ARHGAP42: variants seen among roughly 807,000 people sequenced by gnomAD.
ARHGAP42 encodes the protein rho GTPase-activating protein 42.
Under a neutral mutation model 125.0 loss-of-function variants are expected in ARHGAP42, and 63 were observed. The observed-to-expected ratio is 0.50, with a 90% confidence interval of 0.41 to 0.62. The LOEUF (loss-of-function observed/expected upper bound fraction) is 0.62. Ranked by LOEUF, ARHGAP42 falls within the 20% of genes least tolerant of loss-of-function variation. The pLI is 0.00. For synonymous variants in ARHGAP42, 339 were observed against 351.0 expected (o/e 0.97, Z 0.38); for missense variants, 766 against 1,024.2 (o/e 0.75, Z 3.44).
intron 1 of ARHGAP42, among the ~76,000 whole-genome samples, chr11:100,739,601 A>G (rs191856324): frequency 8.4e-4 from 128 of 152,332 alleles, no homozygotes; most frequent in Non-Finnish European, 5.9e-5. Context: ...GAGTTTTTAA[A>G]GAAAGAATTT....
intron 1 of ARHGAP42, among the ~76,000 whole-genome samples, chr11:100,694,789 G>A (rs1861246313): frequency 2.0e-5 from 3 of 152,228 alleles, no homozygotes; most frequent in Admixed American, 1.3e-4. Flanking sequence ...AGCACTTTGG[G>A]AGGCTGAGGT....
intron 3 of ARHGAP42, among the ~76,000 whole-genome samples, chr11:100,832,158 G>C (rs1191613674): frequency 6.6e-6 from 1 of 152,234 alleles, no homozygotes; most frequent in Non-Finnish European, 1.5e-5. Context: ...TGGCATCCCA[G>C]TTAGGCACAT....
intron 1 of ARHGAP42, among the ~76,000 whole-genome samples, chr11:100,762,990 T>C (rs1862743563): frequency 8.6e-6 from 1 of 116,314 alleles, no homozygotes. Flanking sequence ...TTTTTTTTTT[T>C]TTTTTTGAGA....
intron 3 of ARHGAP42, among the ~76,000 whole-genome samples, chr11:100,830,394 A>G (rs1221602307): frequency 6.6e-6 from 1 of 152,180 alleles, no homozygotes; most frequent in African/African-American, 2.4e-5. Flanking sequence ...CTGCTGTAAT[A>G]TGGAGAGCAC....
At chr11:100,728,082 T>G (rs1861891831) in intron 1 of ARHGAP42, among the ~76,000 whole-genome samples, 1 of 152,226 alleles carries the variant, frequency 6.6e-6, no homozygotes, top group African/African-American at 2.4e-5. Flanking sequence ...CTCTGCTCAC[T>G]GAAGTGCTGA....
intron 12 of ARHGAP42, among the ~76,000 whole-genome samples, chr11:100,950,461 A>C (rs1857618897): frequency 6.6e-6 from 1 of 151,576 alleles, no homozygotes; most frequent in Non-Finnish European, 1.5e-5. Context: ...GCAGACATAA[A>C]CACTTCTTGC....
intron 4 of ARHGAP42, among the ~76,000 whole-genome samples, chr11:100,860,152 A>G (rs1232878750): frequency 6.6e-6 from 1 of 152,076 alleles, no homozygotes. Context: ...CCATATTTTA[A>G]CCACTTGTGC....
intron 16 of ARHGAP42, among the ~76,000 whole-genome samples, chr11:100,963,858 C>G (rs763038813): frequency 6.6e-6 from 1 of 152,152 alleles, no homozygotes; most frequent in Non-Finnish European, 1.5e-5. Context: ...ACCCAGAACC[C>G]TTTCTTACAG....
intron 1 of ARHGAP42, among the ~76,000 whole-genome samples, chr11:100,715,290 T>C (rs1418873538): frequency 6.6e-6 from 1 of 152,086 alleles, no homozygotes. Flanking sequence ...TTAGGAACTA[T>C]CCAGAACAGC....
rs754628424 is a variant in ARHGAP42 at position 100,974,563 on chromosome 11, G to T, written c.1815G>T (p.Lys605Asn). 7 of 1,551,098 alleles carry T rather than the reference G, an allele frequency of 4.5e-6. No individual in the cohort carries two copies. The highest frequency in any genetic ancestry group is 6.1e-6 in the Non-Finnish European group (7 of 1,146,614). ...RAICLSTGSRKPRGRYTPCLA... is the reference protein window; with the variant it reads ...RAICLSTGSRNPRGRYTPCLA... ...TCTGCCTCTCTACAGGGTCTAGGAA[G>T]CCCAGAGGGAGGTATACTCCATGCC... is the stretch of plus-strand genomic sequence containing the variant. Residue 605 changes from lysine to asparagine, a missense_variant, in exon 19 of 24, where the codon AAG becomes AAT. Coordinates refer to ENST00000298815, the MANE Select transcript of ARHGAP42 (RefSeq NM_152432.4).
At chr11:100,772,159 C>A (rs184444536) in intron 2 of ARHGAP42, among the ~76,000 whole-genome samples, 31 of 152,246 alleles carry the variant, frequency 2.0e-4, no homozygotes, top group African/African-American at 7.2e-4. Context: ...TTAGCACAGA[C>A]CTCGCTGTGA....
chr11:100,947,890 T>G (rs1390996460), intron 10 of ARHGAP42, among the ~76,000 whole-genome samples: 2 of 152,010 alleles, frequency 1.3e-5, no homozygotes, highest in Non-Finnish European at 2.9e-5. Context: ...TCTTGAAGTA[T>G]ATCCTCAAGT....
At chr11:100,966,742 C>A (rs1179688220) in intron 17 of ARHGAP42, among the ~76,000 whole-genome samples, 1 of 152,038 alleles carries the variant, frequency 6.6e-6, no homozygotes, top group Admixed American at 6.6e-5. Flanking sequence ...ATCTATCTTT[C>A]TATAATTTGA....
Position 100,922,677 on chromosome 11 carries a change from T to C in ARHGAP42, c.597+1073T>C, listed in dbSNP as rs566656717. On this transcript the variant is annotated intron_variant, in intron 6 of 23. Transcript: ENST00000298815. ...AAGGAGAGGGAAAGGAAGGCAACATTATAAAATACATTTCACATAAATCAT... is the reference window on the plus strand; with the variant it reads ...AAGGAGAGGGAAAGGAAGGCAACATCATAAAATACATTTCACATAAATCAT... 5.9e-5 allele frequency among the ~76,000 whole-genome samples: 9 copies of C among 152,372 alleles called. No homozygotes were observed. The East Asian group carries it at 1.7e-3, about 29-fold the overall frequency.
chr11:100,798,008 A>G (rs1045603622), intron 3 of ARHGAP42, among the ~76,000 whole-genome samples: 2 of 152,206 alleles, frequency 1.3e-5, no homozygotes, highest in Non-Finnish European at 2.9e-5. Flanking sequence ...ATAACTATAG[A>G]TGTGATGGAA....
intron 4 of ARHGAP42, among the ~76,000 whole-genome samples, chr11:100,903,115 G>GCACACACACACACACACACA (rs1480178280): frequency 1.5e-4 from 2 of 13,704 alleles, no homozygotes; most frequent in Non-Finnish European, 3.4e-4. Flanking sequence ...TGTCCAAGAT[G>GCACACACACACACACACACA]CGCACACACA....
chr11:100,842,865 G>A (rs1383543790), intron 3 of ARHGAP42, among the ~76,000 whole-genome samples: 1 of 152,016 alleles, frequency 6.6e-6, no homozygotes, highest in Non-Finnish European at 1.5e-5. Flanking sequence ...GCATCAAAAT[G>A]TCTGAAAGAC....
chr11:100,912,398 T>C (rs1018263934), intron 4 of ARHGAP42, among the ~76,000 whole-genome samples: 1 of 152,032 alleles, frequency 6.6e-6, no homozygotes, highest in African/African-American at 2.4e-5. Flanking sequence ...AATGAACTTG[T>C]TAAAAAAAAT....
At chr11:100,921,728 G>T in intron 6 of ARHGAP42, 124 bp downstream of exon 6, 2 of 607,236 alleles carry the variant, frequency 3.3e-6, no homozygotes, top group Non-Finnish European at 5.4e-6. Context: ...AAAGGGGAGT[G>T]GGAAGGGATG....
Sources: allele counts gnomAD v4.1 joint callset (sites outside exome capture counted in the v4.1 genomes callset), GRCh38; gene constraint gnomAD v4.1.1; transcripts MANE v1.5; gene names NCBI Gene and HGNC (gene_info 2026-07-23, HGNC 2026-07-21).